The following CEP104 variants were observed in gnomAD, a reference collection of about 807,000 sequenced individuals.
CEP104 encodes centrosomal protein 104.
A neutral mutation model predicts 113.3 loss-of-function variants in CEP104; 84 were observed. That is an observed-to-expected ratio of 0.74 (90% CI 0.62 to 0.89). The LOEUF (loss-of-function observed/expected upper bound fraction) is 0.89, where lower values mean the gene tolerates loss of function less well. CEP104 is among the 40% of genes least tolerant of loss of function. CEP104 has a pLI of 0.00. For missense variants in CEP104, 1,053 were observed against 1,156.6 expected, an observed-to-expected ratio of 0.91 and a Z score of 1.30; for synonymous variants, 378 against 421.7, an observed-to-expected ratio of 0.90 and a Z score of 1.27.
chr1:3,846,695 G>C (rs1644514422), intron 4 of CEP104, among the ~76,000 whole-genome samples: 2 of 152,240 alleles, frequency 1.3e-5, no homozygotes, highest in South Asian at 4.2e-4. Flanking sequence ...TGCTGCAAGG[G>C]GCCAGGCAGC....
rs1452385030 is a variant in CEP104 at position 3,826,456 on chromosome 1, TTAAA to T, written c.2189-24_2189-21del. The T allele has an allele frequency of 1.3e-5, 21 of 1,600,952 alleles. No homozygotes were observed. Among genetic ancestry groups the T allele is most frequent in the Non-Finnish European group, 1.8e-5 (21 of 1,170,832 alleles). On this transcript the variant is annotated intron_variant, in intron 16 of 21. Coordinates refer to ENST00000378230, the MANE Select transcript of CEP104 (RefSeq NM_014704.4). ...GAATGTCTGAAGAGATTAAAACAATTTAAATAACTTTTTATAGAAATTATTTTCA... is the reference window on the plus strand; with the variant it reads ...GAATGTCTGAAGAGATTAAAACAATTTAACTTTTTATAGAAATTATTTTCA...
Position 3,829,798 on chromosome 1 carries a change from T to A in CEP104, c.2036A>T (p.Glu679Val), listed in dbSNP as rs746241279. The A allele has an allele frequency of 1.9e-6, 3 of 1,613,978 alleles. No individual in the cohort carries two copies. Among genetic ancestry groups the A allele is most frequent in the East Asian group, 4.5e-5 (2 of 44,900 alleles). The stretch of plus-strand genomic sequence containing the variant: ...TCACCAAAGTTAACTCACCCTCATC[T>A]CAGCATCTGTAGCTCTGCCATCTAT... ...AKIDGRATDA[E>V]MRARRKAATE... Residue 679 changes from glutamate to valine, a missense_variant, in exon 14 of 22, where the codon GAG becomes GTG. Coordinates refer to ENST00000378230, the MANE Select transcript of CEP104 (RefSeq NM_014704.4).
intron 8 of CEP104, among the ~76,000 whole-genome samples, chr1:3,837,921 A>C (rs1644345545): frequency 6.6e-6 from 1 of 152,254 alleles, no homozygotes; most frequent in Non-Finnish European, 1.5e-5. Flanking sequence ...CTGTGTGTAC[A>C]AAGGAAAGTG....
Position 3,848,719 on chromosome 1 carries a change from A to G in CEP104, c.176T>C (p.Leu59Pro). Residue 59 changes from leucine (L) to proline (P), a missense_variant, in exon 3 of 22, where the codon CTG (leucine) becomes CCG (proline). Leu to Pro is a moderately conservative substitution (Grantham distance 98, BLOSUM62 -3). Transcript: ENST00000378230. ...CATATACTGGTGAGCAAGTAACTGC[A>G]GTTTCCTTATTCGACATCTCTCCAC... ...QMVERCRIRK[L>P]QLLAHQYMIS... 1 of 1,613,704 alleles carries G rather than the reference A, an allele frequency of 6.2e-7. No individual in the cohort carries two copies. Among genetic ancestry groups the G allele is most frequent in the Non-Finnish European group, 8.5e-7 (1 of 1,179,818 alleles).
Position 3,823,094 on chromosome 1 carries a change from T to C in CEP104, c.2571+80A>G, listed in dbSNP as rs1360150440. On this transcript the variant is annotated intron_variant, in intron 20 of 21. Coordinates refer to ENST00000378230, the MANE Select transcript of CEP104 (RefSeq NM_014704.4). This position sits in a 1 kb window ranked among gnomAD's most constrained non-coding sequence, Gnocchi z 4.1. ...GTACTCTGTGGCTATGGTCCCGCAC[T>C]GACACCACCACTGTCACCACCACTG... is the stretch of plus-strand genomic sequence containing the variant. 3 of 1,346,530 alleles carry C rather than the reference T, an allele frequency of 2.2e-6. No homozygotes were observed. Among genetic ancestry groups the C allele is most frequent in the Non-Finnish European group, 3.2e-6 (3 of 941,242 alleles). The allele number at this position is 1,346,530 out of a possible 1,614,324, so 83.4% of individuals were successfully genotyped here. A position where few individuals can be genotyped will look rare whatever the true frequency, so the allele number is the denominator to read the frequency against.
intron 8 of CEP104, among the ~76,000 whole-genome samples, chr1:3,838,591 C>T (rs766370138): frequency 9.2e-5 from 14 of 152,312 alleles, no homozygotes; most frequent in East Asian, 5.8e-4. Context: ...CTCAATACAC[C>T]GAAGCTGTTA....
chr1:3,829,413 G>A (rs754902038), intron 14 of CEP104, 40 bp from the exon 15 acceptor site: 90 of 1,492,292 alleles, frequency 6.0e-5, no homozygotes, highest in Non-Finnish European at 7.4e-6. Flanking sequence ...CAGCTTGTTA[G>A]GGTAATCTTA....
rs372625934 is a variant in CEP104 at position 3,823,148 on chromosome 1, T to C, written c.2571+26A>G. 7 of 1,611,080 alleles carry C rather than the reference T, an allele frequency of 4.3e-6. No individual in the cohort carries two copies. Among genetic ancestry groups the C allele is most frequent in the African/African-American group, 4.0e-5 (3 of 74,866 alleles). ...TCCACAGGTGTGTCACCTACTTCAC[T>C]GGTCCCTTCTCCCCAGGCCCCTCAC... On this transcript the variant is annotated intron_variant, in intron 20 of 21. Transcript: ENST00000378230. The surrounding 1 kb of genome is among the most constrained non-coding windows in gnomAD (Gnocchi z 4.1).
intron 1 of CEP104, 94 bp from the exon 2 acceptor site, chr1:3,852,515 C>A: frequency 9.3e-7 from 1 of 1,073,584 alleles, no homozygotes; most frequent in Non-Finnish European, 1.3e-6. Context: ...CTAACACACA[C>A]AATAATGCAC....
At chr1:3,853,978 C>A (rs879789464) in intron 1 of CEP104, among the ~76,000 whole-genome samples, 3 of 152,152 alleles carry the variant, frequency 2.0e-5, no homozygotes, top group Admixed American at 2.0e-4. Flanking sequence ...GTGATTTAAC[C>A]CACTGTTAGC....
At chr1:3,846,276 A>G (rs1302479272) in intron 4 of CEP104, among the ~76,000 whole-genome samples, 1 of 152,092 alleles carries the variant, frequency 6.6e-6, no homozygotes, top group Non-Finnish European at 1.5e-5. Flanking sequence ...TGAGGTGGGG[A>G]GTCACTTTTC....
intron 14 of CEP104, 81 bp downstream of exon 14, chr1:3,829,710 T>C (rs1644162393): frequency 7.1e-7 from 1 of 1,418,024 alleles, no homozygotes; most frequent in Non-Finnish European, 9.9e-7. Flanking sequence ...TCAAATGACA[T>C]ATTTACTTAT....
chr1:3,825,392 G>A (rs1318336136), intron 18 of CEP104, among the ~76,000 whole-genome samples: 1 of 152,202 alleles, frequency 6.6e-6, no homozygotes, highest in Non-Finnish European at 1.5e-5. Flanking sequence ...GTGGATGAAG[G>A]TGCTGTGGTC....
chr1:3,852,236 C>A, intron 2 of CEP104, 59 bp downstream of exon 2: 1 of 1,542,570 alleles, frequency 6.5e-7, no homozygotes. Flanking sequence ...AGCCCCTGTA[C>A]CCTCCTCAGG....
chr1:3,830,107 G>C, intron 13 of CEP104, 110 bp from the exon 14 acceptor site: 1 of 748,912 alleles, frequency 1.3e-6, no homozygotes, highest in Non-Finnish European at 2.2e-6. Context: ...GAAAACATCC[G>C]TATTAAGTAT....
chr1:3,816,423 GCTAC>G, intron 20 of CEP104, 53 bp from the exon 21 acceptor site: 1 of 1,418,848 alleles, frequency 7.0e-7, no homozygotes, highest in East Asian at 2.5e-5. Flanking sequence ...GACCTGGCAC[GCTAC>G]CTGAGACCCA....
intron 20 of CEP104, among the ~76,000 whole-genome samples, chr1:3,820,443 T>C (rs575457543): frequency 1.5e-4 from 8 of 52,446 alleles, no homozygotes. Context: ...CAGGATGCCC[T>C]GTAGGAAAAG....
chr1:3,851,319 C>A (rs900969937), intron 2 of CEP104, among the ~76,000 whole-genome samples: 3 of 152,114 alleles, frequency 2.0e-5, no homozygotes, highest in African/African-American at 7.2e-5. Flanking sequence ...AAGGAAAATA[C>A]ATTTTAATTG....
In CEP104 at chr1:3,836,699, T is replaced by G; in HGVS notation, c.1120-7A>C. ...CGTAGGGCAGGGACTCTGCCTGCAGTGAGTGAAGGAGAGAGGAAAGTGCTG... is the reference window on the plus strand; with the variant it reads ...CGTAGGGCAGGGACTCTGCCTGCAGGGAGTGAAGGAGAGAGGAAAGTGCTG... On this transcript the variant is annotated splice_region_variant and splice_polypyrimidine_tract_variant and intron_variant, in intron 9 of 21. Transcript: ENST00000378230. 6.2e-7 allele frequency: 1 copy of G among 1,613,016 alleles called. No individual in the cohort carries two copies. Among genetic ancestry groups the G allele is most frequent in the Non-Finnish European group, 8.5e-7 (1 of 1,179,940 alleles).
Sources: allele counts gnomAD v4.1 joint callset (sites outside exome capture counted in the v4.1 genomes callset), GRCh38; gene constraint gnomAD v4.1.1; non-coding constraint Gnocchi (gnomAD v3.1); transcripts MANE v1.5; gene names NCBI Gene and HGNC (gene_info 2026-07-23, HGNC 2026-07-21).